The following NSMCE2 variants were observed in gnomAD, a reference collection of about 807,000 sequenced individuals.
NSMCE2 encodes the protein NSE2 SUMO ligase component of SMC5/6 complex.
Under a neutral mutation model 23.8 loss-of-function variants are expected in NSMCE2, and 24 were observed. The ratio of observed to expected loss-of-function variants is 1.01; its 90% CI spans 0.73 to 1.42. The LOEUF is 1.42. Among genes scored for constraint, NSMCE2 ranks in the 40% most tolerant of loss-of-function variants. The pLI, the probability that NSMCE2 is intolerant of heterozygous loss-of-function variation, is 0.00. For synonymous variants in NSMCE2, 92 were observed against 94.1 expected (o/e 0.98, Z 0.13); for missense variants, 284 against 296.5 (o/e 0.96, Z 0.31).
intron 4 of NSMCE2, among the ~76,000 whole-genome samples, chr8:125,166,703 G>A (rs1429275293): frequency 6.6e-6 from 1 of 152,192 alleles, no homozygotes; most frequent in Non-Finnish European, 1.5e-5. Context: ...AGAGGACCCA[G>A]GGAAGACACT....
intron 5 of NSMCE2, among the ~76,000 whole-genome samples, chr8:125,343,047 T>G (rs1830303670): frequency 6.6e-6 from 1 of 152,230 alleles, no homozygotes; most frequent in South Asian, 2.1e-4. Context: ...AAATAAATCT[T>G]GATACTCTCT....
At position 125,316,651 on chromosome 8, in the gene NSMCE2, CTTCT is replaced by C. The variant is rs1402144613; in HGVS notation, c.419-40564_419-40561del. Among the ~76,000 whole-genome samples the C allele has an allele frequency of 7.1e-3, 832 of 116,920 alleles. 39 individuals carry two copies. Among genetic ancestry groups the C allele is most frequent in the Admixed American group, 0.022 (205 of 9,486 alleles). The allele number at this position is 116,920 out of a possible 152,430, so 76.7% of individuals were successfully genotyped here. A position where few individuals can be genotyped will look rare whatever the true frequency, so the allele number is the denominator to read the frequency against. ...TTTCCTTTCTTTATTTCCTTCTTTC[CTTCT>C]TTCCTTCCTTCCTTCTTTCCTTCCT... On this transcript the variant is annotated intron_variant, in intron 5 of 7. Transcript: ENST00000287437.
At chr8:125,130,258 G>A (rs533701874) in intron 3 of NSMCE2, 6 of 455,972 alleles carry the variant, frequency 1.3e-5, no homozygotes, top group African/African-American at 2.0e-5. Context: ...TTCTCATCAC[G>A]TCATATCAAA....
At chr8:125,264,837 G>A (rs1218635965) in intron 5 of NSMCE2, among the ~76,000 whole-genome samples, 1 of 152,024 alleles carries the variant, frequency 6.6e-6, no homozygotes, top group Non-Finnish European at 1.5e-5. Flanking sequence ...CTGAAAAATG[G>A]CCTTATATCT....
intron 5 of NSMCE2, among the ~76,000 whole-genome samples, chr8:125,187,182 C>T (rs1478039800): frequency 6.6e-6 from 1 of 152,164 alleles, no homozygotes; most frequent in African/African-American, 2.4e-5. Context: ...TTAATAGCAG[C>T]CTACTCTCCC....
chr8:125,284,483 G>A (rs1827819381), intron 5 of NSMCE2, among the ~76,000 whole-genome samples: 2 of 152,162 alleles, frequency 1.3e-5, no homozygotes, highest in Admixed American at 6.5e-5. Flanking sequence ...TATCCTTATC[G>A]AGGATTGTTC....
chr8:125,281,954 C>T (rs759579916), intron 5 of NSMCE2, among the ~76,000 whole-genome samples: 2 of 152,106 alleles, frequency 1.3e-5, no homozygotes, highest in Non-Finnish European at 2.9e-5. Flanking sequence ...TAGCTCGTAG[C>T]TTGCAAACTC....
At chr8:125,188,160 A>T (rs1823188093) in intron 5 of NSMCE2, among the ~76,000 whole-genome samples, 1 of 152,246 alleles carries the variant, frequency 6.6e-6, no homozygotes, top group African/African-American at 2.4e-5. Flanking sequence ...TTACAAAAGG[A>T]TTCTCTGAAG....
At chr8:125,184,618 ATACTC>A (rs1823002420) in intron 5 of NSMCE2, among the ~76,000 whole-genome samples, 1 of 152,134 alleles carries the variant, frequency 6.6e-6, no homozygotes, top group African/African-American at 2.4e-5. Context: ...CTTTTGAAAA[ATACTC>A]TATAAGATCT....
Position 125,102,386 on chromosome 8 carries a change from G to A in NSMCE2, c.56G>A (p.Gly19Asp), listed in dbSNP as rs1245718848. The change falls in exon 3 of 8, where the codon GGT (glycine) becomes GAT (aspartate). Residue 19 changes from glycine (G) to aspartate (D), a missense_variant. Gly to Asp is a moderately conservative substitution (Grantham distance 94, BLOSUM62 -1). Around this residue, in one of 2 missense-constraint regions of NSMCE2, gnomAD observed 182 missense variants for 155.5 expected, o/e 1.17. Transcript: ENST00000287437. ...TCAACTGGTTTCATCTCCTTCAGTG[G>A]TGTAGAGTCTGCTCTCTCCTCCTTG... ...SGSTGFISFS[G>D]VESALSSLKN... 5 of 1,613,424 alleles carry A rather than the reference G, an allele frequency of 3.1e-6. 1 individual carries two copies. The South Asian group carries it at 5.5e-5, about 18-fold the overall frequency.
At chr8:125,302,384 A>G (rs4602904) in intron 5 of NSMCE2, among the ~76,000 whole-genome samples, 122,391 of 152,126 alleles carry the variant, frequency 0.8, 49,342 homozygotes, top group African/African-American at 0.85. Context: ...CCTGGCACAC[A>G]TTCCAGGAGT....
At chr8:125,149,365 C>T (rs769356102) in intron 3 of NSMCE2, among the ~76,000 whole-genome samples, 18 of 152,182 alleles carry the variant, frequency 1.2e-4, no homozygotes, top group South Asian at 2.1e-4. Context: ...ATGGACTTTA[C>T]ATTATTTCAT....
At chr8:125,167,241 A>G (rs2130750393) in intron 4 of NSMCE2, among the ~76,000 whole-genome samples, 1 of 152,352 alleles carries the variant, frequency 6.6e-6, no homozygotes, top group South Asian at 2.1e-4. Context: ...CTAAATATGT[A>G]GAAGAAAGTT....
chr8:125,174,393 A>T (rs1822371879), intron 4 of NSMCE2, among the ~76,000 whole-genome samples: 1 of 152,204 alleles, frequency 6.6e-6, no homozygotes, highest in Admixed American at 6.5e-5. Flanking sequence ...AAAGCCAGAG[A>T]TGTAAAATCA....
At chr8:125,118,206 C>T (rs896123783) in intron 3 of NSMCE2, among the ~76,000 whole-genome samples, 1 of 152,026 alleles carries the variant, frequency 6.6e-6, no homozygotes, top group African/African-American at 2.4e-5. Flanking sequence ...ATTAGCTGGG[C>T]ATGGTGGCAC....
chr8:125,220,327 T>G (rs1824793234), intron 5 of NSMCE2, among the ~76,000 whole-genome samples: 1 of 152,174 alleles, frequency 6.6e-6, no homozygotes, highest in Non-Finnish European at 1.5e-5. Flanking sequence ...TGAGGTTTAG[T>G]TTCAGCTGTT....
intron 5 of NSMCE2, among the ~76,000 whole-genome samples, chr8:125,281,660 G>A (rs931130854): frequency 6.6e-6 from 1 of 151,814 alleles, no homozygotes; most frequent in Admixed American, 6.6e-5. Context: ...AGCTGGTCTC[G>A]AACTCCTGGC....
intron 5 of NSMCE2, among the ~76,000 whole-genome samples, chr8:125,208,270 G>A (rs1824192378): frequency 6.6e-6 from 1 of 152,158 alleles, no homozygotes; most frequent in South Asian, 2.1e-4. Context: ...AAAACAACTT[G>A]AAAAGAGAGT....
rs576358973 is a variant in NSMCE2, at chr8:125,174,318, A to G, written c.265-7785A>G. Among the ~76,000 whole-genome samples the G allele has an allele frequency of 3.3e-5, 5 of 152,322 alleles. No homozygotes were observed. The East Asian group carries it at 9.6e-4, about 29-fold the overall frequency. Reference sequence around the variant, plus strand: ...TGTGGTAGATGTTCAGTAAATATTTACTGAATGAATAAATGAATAAATAAA... The same window carrying G: ...TGTGGTAGATGTTCAGTAAATATTTGCTGAATGAATAAATGAATAAATAAA... On this transcript the variant is annotated intron_variant, in intron 4 of 7. Coordinates refer to ENST00000287437, the MANE Select transcript of NSMCE2 (RefSeq NM_173685.4).
Sources: allele counts gnomAD v4.1 joint callset (sites outside exome capture counted in the v4.1 genomes callset), GRCh38; gene constraint gnomAD v4.1.1; regional missense constraint gnomAD v4.1.1; transcripts MANE v1.5; gene names NCBI Gene and HGNC (gene_info 2026-07-23, HGNC 2026-07-21).